LRFN5: variants seen among roughly 807,000 people sequenced by gnomAD.
LRFN5 encodes the protein leucine-rich repeat and fibronectin type-III domain-containing protein 5.
Under a neutral mutation model 45.6 loss-of-function variants are expected in LRFN5, and 24 were observed. That is an observed-to-expected ratio of 0.53 (90% CI 0.38 to 0.74). The LOEUF is 0.74. Ranked by LOEUF, LRFN5 falls within the 30% of genes least tolerant of loss-of-function variation. LRFN5 has a pLI of 0.00. For missense variants in LRFN5, 776 were observed against 861.5 expected (o/e 0.90, Z 1.24); for synonymous variants, 340 against 313.8 (o/e 1.08, Z -0.88).
intron 1 of LRFN5, among the ~76,000 whole-genome samples, chr14:41,645,244 C>T (rs1050556594): frequency 6.6e-6 from 1 of 151,940 alleles, no homozygotes; most frequent in African/African-American, 2.4e-5. Flanking sequence ...ATTGATTGAT[C>T]GATTGATTGA....
At chr14:41,741,966 A>G (rs1201024941) in intron 1 of LRFN5, among the ~76,000 whole-genome samples, 1 of 151,812 alleles carries the variant, frequency 6.6e-6, no homozygotes, top group Non-Finnish European at 1.5e-5. Flanking sequence ...CCACAATGAG[A>G]TATCACCTCA....
At chr14:41,856,133 CTG>C (rs1006825588) in intron 2 of LRFN5, among the ~76,000 whole-genome samples, 1 of 152,150 alleles carries the variant, frequency 6.6e-6, no homozygotes, top group Non-Finnish European at 1.5e-5. Context: ...TACAAAGACA[CTG>C]TCTCTCTTAT....
intron 2 of LRFN5, among the ~76,000 whole-genome samples, chr14:41,829,847 C>T (rs1888420278): frequency 6.6e-6 from 1 of 150,878 alleles, no homozygotes; most frequent in South Asian, 2.1e-4. Flanking sequence ...ATTCTTTTCT[C>T]AAATTATTTT....
At chr14:41,675,642 G>T (rs1012295573) in intron 1 of LRFN5, among the ~76,000 whole-genome samples, 4 of 151,860 alleles carry the variant, frequency 2.6e-5, no homozygotes, top group African/African-American at 9.7e-5. Flanking sequence ...GGGGAGAGGC[G>T]ATTTTGTTAT....
chr14:41,858,613 T>C (rs1889555199), intron 2 of LRFN5, among the ~76,000 whole-genome samples: 1 of 152,160 alleles, frequency 6.6e-6, no homozygotes, highest in Non-Finnish European at 1.5e-5. Context: ...AGTAAAACTC[T>C]TCCTTCAATG....
intron 2 of LRFN5, among the ~76,000 whole-genome samples, chr14:41,795,477 C>T (rs557040056): frequency 3.3e-5 from 5 of 152,128 alleles, no homozygotes; most frequent in East Asian, 1.9e-4. Context: ...CACATGCACA[C>T]GTATGTTTAT....
rs147419295 is a variant in LRFN5, at chr14:41,712,012, T to A, written c.-196-54842T>A. On this transcript the variant is annotated intron_variant, in intron 1 of 5. Transcript: ENST00000298119. ...TGAAAAATAATGTTGTAATTAAAAA[T>A]CCATCCAACAGCAGATTAGACACAA... 2.1e-3 allele frequency among the ~76,000 whole-genome samples: 317 copies of A among 152,184 alleles called. 2 individuals are homozygous for A. The highest frequency in any genetic ancestry group is 6.7e-3 in the African/African-American group (280 of 41,518).
chr14:41,867,541 A>G (rs1367132466), intron 2 of LRFN5, among the ~76,000 whole-genome samples: 1 of 152,076 alleles, frequency 6.6e-6, no homozygotes, highest in Non-Finnish European at 1.5e-5. Flanking sequence ...ACTGCCAATT[A>G]AGTTTTGTTT....
chr14:41,671,617 G>GTTTTATTTTTTTTTTTTTTTTTTTTTTT (rs1474219783), intron 1 of LRFN5, among the ~76,000 whole-genome samples: 1 of 78,020 alleles, frequency 1.3e-5, no homozygotes, highest in Non-Finnish European at 2.3e-5. Context: ...TTTTTTTTTC[G>GTTTTATTTTTTTTTTTTTTTTTTTTTTT]TTTTTTTTTT....
chr14:41,665,130 A>ATTTT (rs1880836582), intron 1 of LRFN5, among the ~76,000 whole-genome samples: 1 of 151,838 alleles, frequency 6.6e-6, no homozygotes, highest in Non-Finnish European at 1.5e-5. Context: ...TTTTCTGACA[A>ATTTT]TTTTTTTGTT....
At chr14:41,686,480 C>A (rs547270093) in intron 1 of LRFN5, among the ~76,000 whole-genome samples, 1 of 151,980 alleles carries the variant, frequency 6.6e-6, no homozygotes, top group African/African-American at 2.4e-5. Context: ...CCTGATTGCC[C>A]TGGCCAGAAC....
chr14:41,812,807 T>C (rs1208980758), intron 2 of LRFN5, among the ~76,000 whole-genome samples: 1 of 152,078 alleles, frequency 6.6e-6, no homozygotes, highest in African/African-American at 2.4e-5. Context: ...TTATTTAGTA[T>C]AGACCAAAAT....
chr14:41,755,903 C>T (rs1422295855), intron 1 of LRFN5, among the ~76,000 whole-genome samples: 1 of 152,180 alleles, frequency 6.6e-6, no homozygotes, highest in African/African-American at 2.4e-5. Context: ...GTGGCTGGTA[C>T]CGGATGTTCC....
chr14:41,805,225 A>G (rs918657627), intron 2 of LRFN5, among the ~76,000 whole-genome samples: 2 of 151,732 alleles, frequency 1.3e-5, no homozygotes, highest in African/African-American at 2.4e-5. Context: ...CAGAAAAAAT[A>G]TTGGCCAGAC....
At position 41,610,750 on chromosome 14, in the gene LRFN5, A is replaced by T. The variant is rs149284243; in HGVS notation, c.-197+2188A>T. 3.6e-3 allele frequency among the ~76,000 whole-genome samples: 509 copies of T among 143,302 alleles called. 1 individual carries two copies. The highest frequency in any genetic ancestry group is 0.021 in the Middle Eastern group (6 of 290). 94.0% of individuals were successfully genotyped at this position (143,302 alleles called of 152,430 possible). On this transcript the variant is annotated intron_variant, in intron 1 of 5. Transcript: ENST00000298119. ...CAGATAATTGGGAATAAATTTAAAA[A>T]AGGATTTTTTTCTTTTATCTTCTCT...
intron 1 of LRFN5, among the ~76,000 whole-genome samples, chr14:41,734,938 AC>A (rs771102114): frequency 2.0e-5 from 3 of 151,892 alleles, no homozygotes; most frequent in Non-Finnish European, 4.4e-5. Flanking sequence ...TCCCCTGACA[AC>A]CAAAAAAGTG....
At chr14:41,707,838 C>T (rs1314931302) in intron 1 of LRFN5, among the ~76,000 whole-genome samples, 1 of 151,860 alleles carries the variant, frequency 6.6e-6, no homozygotes, top group East Asian at 1.9e-4. Flanking sequence ...ATATATTGCC[C>T]CAAAGACTAA....
At chr14:41,854,662 A>C (rs1311291813) in intron 2 of LRFN5, among the ~76,000 whole-genome samples, 1 of 152,188 alleles carries the variant, frequency 6.6e-6, no homozygotes, top group African/African-American at 2.4e-5. Flanking sequence ...TTAAGTAGTT[A>C]GTGTAATTGG....
chr14:41,727,082 T>G (rs1883968014), intron 1 of LRFN5, among the ~76,000 whole-genome samples: 1 of 152,206 alleles, frequency 6.6e-6, no homozygotes, highest in South Asian at 2.1e-4. Context: ...ACACTTCCAT[T>G]TGAAGATGGA....
Sources: allele counts gnomAD v4.1 joint callset (sites outside exome capture counted in the v4.1 genomes callset), GRCh38; gene constraint gnomAD v4.1.1; transcripts MANE v1.5; gene names NCBI Gene and HGNC (gene_info 2026-07-23, HGNC 2026-07-21).